The following WDPCP variants were observed in gnomAD, a reference collection of about 807,000 sequenced individuals.
The protein encoded by WDPCP is WD repeat containing planar cell polarity effector.
In WDPCP, 71 loss-of-function variants were observed where a neutral mutation model predicts 93.1. That is an observed-to-expected ratio of 0.76 (90% CI 0.63 to 0.93). The LOEUF (loss-of-function observed/expected upper bound fraction) is 0.93. Ranked by LOEUF, WDPCP falls within the 40% of genes least tolerant of loss-of-function variation. WDPCP has a pLI of 0.00. For missense variants in WDPCP, 844 were observed against 887.4 expected, an observed-to-expected ratio of 0.95 and a Z score of 0.62; for synonymous variants, 315 against 315.0, an observed-to-expected ratio of 1.00 and a Z score of 0.00.
At chr2:63,823,814 G>A (rs1575782866) in intron 1 of WDPCP, among the ~76,000 whole-genome samples, 3 of 152,140 alleles carry the variant, frequency 2.0e-5, no homozygotes, top group Non-Finnish European at 4.4e-5. Flanking sequence ...ACTGTAGAAT[G>A]GATACAGTGA....
chr2:63,690,337 G>A (rs1668872404), intron 2 of WDPCP, among the ~76,000 whole-genome samples: 1 of 152,192 alleles, frequency 6.6e-6, no homozygotes, highest in African/African-American at 2.4e-5. Context: ...ATGAAGTTAA[G>A]TGATTTATGT....
chr2:63,150,729 G>A (rs1487251420), intron 17 of WDPCP, among the ~76,000 whole-genome samples: 1 of 152,062 alleles, frequency 6.6e-6, no homozygotes, highest in Non-Finnish European at 1.5e-5. Context: ...TAACAATAAT[G>A]TTTTATTATT....
chr2:63,710,597 A>T (rs955851180), intron 2 of WDPCP, among the ~76,000 whole-genome samples: 2 of 152,208 alleles, frequency 1.3e-5, no homozygotes, highest in African/African-American at 4.8e-5. Flanking sequence ...GTAACTAAGA[A>T]ATAATAAGCG....
At chr2:63,122,113 C>G in intron 17 of WDPCP, 57 bp from the exon 18 acceptor site, 1 of 1,349,610 alleles carries the variant, frequency 7.4e-7, no homozygotes, top group Non-Finnish European at 1.1e-6. Flanking sequence ...ATTGACTTAA[C>G]ATTTGTATCT....
chr2:63,313,784 A>G lies in WDPCP; in HGVS notation c.1749-473T>C, dbSNP rs544325464. 1.8e-4 allele frequency among the ~76,000 whole-genome samples: 27 copies of G among 150,944 alleles called. 2 individuals are homozygous for G. In the South Asian group the frequency reaches 5.7e-3, roughly 32 times the overall value. On this transcript the variant is annotated intron_variant, in intron 12 of 17. Transcript: ENST00000272321. ...GATTAGCAAATTGTACTATTTGTCC[A>G]TGCATTCACTGCAGTTTTGCATTTG...
chr2:63,829,960 G>A (rs1671169724), upstream of WDPCP, among the ~76,000 whole-genome samples: 1 of 151,922 alleles, frequency 6.6e-6, no homozygotes, highest in Non-Finnish European at 1.5e-5. Flanking sequence ...ATGTCAAATG[G>A]ATTTTCTTTT....
chr2:63,639,563 T>C (rs1709958910), intron 3 of WDPCP, among the ~76,000 whole-genome samples: 1 of 152,224 alleles, frequency 6.6e-6, no homozygotes, highest in Non-Finnish European at 1.5e-5. Flanking sequence ...ACTAACCCAC[T>C]ACCATGGTAA....
chr2:63,739,228 T>C lies in WDPCP; in HGVS notation n.308+74394A>G, dbSNP rs151199750. On this transcript the variant is annotated intron_variant and non_coding_transcript_variant, in intron 2 of 4. Transcript: ENST00000467687. ...GTGTCTGTTGTTTCCTTCTTTGCATTGATAAGTTCTTATCATTTACCTCCC... is the reference window on the plus strand; with the variant it reads ...GTGTCTGTTGTTTCCTTCTTTGCATCGATAAGTTCTTATCATTTACCTCCC... Among the ~76,000 whole-genome samples, 627 of 152,220 alleles carry C rather than the reference T, an allele frequency of 4.1e-3. 2 individuals carry two copies. Among genetic ancestry groups the C allele is most frequent in the African/African-American group, 0.014 (587 of 41,552 alleles).
chr2:63,722,850 A>C (rs1398992667), intron 2 of WDPCP, among the ~76,000 whole-genome samples: 1 of 152,084 alleles, frequency 6.6e-6, no homozygotes, highest in African/African-American at 2.4e-5. Flanking sequence ...AAAGGCGAGA[A>C]AGGTGGGGAA....
rs1416598675 is a variant in WDPCP, at chr2:63,353,672, T to G, written c.1748+24714A>C. Among the ~76,000 whole-genome samples, 7 of 152,082 alleles carry G rather than the reference T, an allele frequency of 4.6e-5. 1 individual carries two copies. Among genetic ancestry groups the G allele is most frequent in the Admixed American group, 4.6e-4 (7 of 15,268 alleles). Reference sequence around the variant, plus strand: ...CTGTTCCTCCTCACTTGGCAGGACCTCCCAACTAGGGTCTCCATCCACCTC... The same window carrying G: ...CTGTTCCTCCTCACTTGGCAGGACCGCCCAACTAGGGTCTCCATCCACCTC... On this transcript the variant is annotated intron_variant, in intron 12 of 17. Transcript: ENST00000272321.
chr2:63,277,445 A>G (rs1161854389), intron 13 of WDPCP, among the ~76,000 whole-genome samples: 1 of 152,204 alleles, frequency 6.6e-6, no homozygotes, highest in African/African-American at 2.4e-5. Flanking sequence ...GCTTCACTTA[A>G]AAGATACAGA....
At chr2:63,189,003 A>C (rs1386424699) in intron 14 of WDPCP, among the ~76,000 whole-genome samples, 1 of 151,968 alleles carries the variant, frequency 6.6e-6, no homozygotes, top group Non-Finnish European at 1.5e-5. Context: ...TTTCCTGGGG[A>C]TGCGTTTTCT....
chr2:63,419,837 T>C (rs1695711745), intron 9 of WDPCP, among the ~76,000 whole-genome samples: 1 of 152,210 alleles, frequency 6.6e-6, no homozygotes, highest in African/African-American at 2.4e-5. Context: ...CTGAAAACTT[T>C]CACCAGTAAG....
intron 1 of WDPCP, chr2:63,517,849 C>T (rs1164455971): frequency 2.0e-5 from 3 of 151,876 alleles, no homozygotes; most frequent in African/African-American, 7.3e-5. Flanking sequence ...TATGTACATA[C>T]ACACACACAC....
chr2:63,486,532 G>A lies in WDPCP; in HGVS notation c.253+10C>T, dbSNP rs1302695065. On this transcript the variant is annotated intron_variant, in intron 4 of 17. Transcript: ENST00000272321. ...TTATAATAATTCCAAAAAATATAAA[G>A]TAAGCTTACACTCTGCCAGCTTCTG... 6.4e-7 allele frequency: 1 copy of A among 1,563,278 alleles called. No homozygotes were observed. The highest frequency in any genetic ancestry group is 1.8e-5 in the Admixed American group (1 of 56,074).
intron 13 of WDPCP, among the ~76,000 whole-genome samples, chr2:63,299,165 C>T (rs927925956): frequency 2.0e-5 from 3 of 152,160 alleles, no homozygotes; most frequent in African/African-American, 7.2e-5. Context: ...TGTTTTCCAC[C>T]ATAGTAGCCA....
intron 3 of WDPCP, among the ~76,000 whole-genome samples, chr2:63,618,935 C>T (rs1046979407): frequency 9.9e-5 from 15 of 152,142 alleles, no homozygotes; most frequent in African/African-American, 7.2e-5. Flanking sequence ...GTGATTCGCC[C>T]GCCTCACCCT....
intron 3 of WDPCP, among the ~76,000 whole-genome samples, chr2:63,600,977 A>C (rs1575724562): frequency 6.6e-6 from 1 of 152,226 alleles, no homozygotes; most frequent in African/African-American, 2.4e-5. Context: ...GGAGACAGGC[A>C]TTGGAAAATT....
chr2:63,251,160 A>C (rs1680681594), intron 14 of WDPCP, among the ~76,000 whole-genome samples: 1 of 152,192 alleles, frequency 6.6e-6, no homozygotes, highest in Non-Finnish European at 1.5e-5. Flanking sequence ...AAAAATCCAT[A>C]CAAAGAATGA....
Sources: gnomAD v4.1 joint callset for allele counts (sites outside exome capture counted in the v4.1 genomes callset) on GRCh38, gnomAD v4.1.1 for gene constraint, MANE v1.5 for transcripts, NCBI Gene and HGNC (gene_info 2026-07-23, HGNC 2026-07-21) for gene names.